Variants in CNOT1 observed in about 807,000 individuals in gnomAD.
CNOT1 encodes CCR4-associated factor 1.
A neutral mutation model predicts 273.8 loss-of-function variants in CNOT1; 15 were observed. The observed-to-expected ratio is 0.05, with a 90% CI of 0.04 to 0.08. The LOEUF is 0.08. Among genes scored for constraint, CNOT1 ranks in the 10% least tolerant of loss-of-function variants. The pLI is 1.00. For synonymous variants in CNOT1, 1,022 were observed against 1,005.5 expected (o/e 1.02, Z -0.31); for missense variants, 1,644 against 2,912.2 (o/e 0.56, Z 10.02).
chr16:58,559,832 G>T, intron 17 of CNOT1: 1 of 527,896 alleles, frequency 1.9e-6, no homozygotes, highest in South Asian at 1.4e-5. Context: ...GTTCAGTTGA[G>T]AGCTGAAGAG....
Position 58,537,044 on chromosome 16 carries a change from T to A in CNOT1, c.5591A>T (p.His1864Leu). 6.2e-7 allele frequency: 1 copy of A among 1,614,148 alleles called. No homozygotes were observed. Residue 1864 changes from histidine (H) to leucine (L), a missense_variant, in exon 39 of 49, where the codon CAT (histidine) becomes CTT (leucine). Physicochemically the swap from His to Leu is moderately conservative, Grantham distance 99 (BLOSUM62 -3). This residue lies in a region of CNOT1 where 133 missense variants were observed against 328.2 expected (regional missense o/e 0.41). Coordinates refer to ENST00000317147, the MANE Select transcript of CNOT1 (RefSeq NM_016284.5). ...YLLREWVNLY[H>L]SAAAGRDSTK... ...ACTGTCGCGGCCAGCTGCTGCTGAA[T>A]GGTAGAGATTCACCCATTCCCTCAG...
At chr16:58,627,584 G>T (rs964179547) in intron 1 of CNOT1, among the ~76,000 whole-genome samples, 1 of 151,160 alleles carries the variant, frequency 6.6e-6, no homozygotes, top group Non-Finnish European at 1.5e-5. Context: ...AAATAAGAAG[G>T]ATGTCTTATT....
intron 13 of CNOT1, 124 bp from the exon 14 acceptor site, chr16:58,576,706 G>T: frequency 7.0e-7 from 1 of 1,433,504 alleles, no homozygotes; most frequent in Admixed American, 2.2e-5. Context: ...CTGACATTAA[G>T]TTCAGGCCTC....
At chr16:58,538,685 G>T in intron 36 of CNOT1, 87 bp downstream of exon 36, 1 of 1,547,144 alleles carries the variant, frequency 6.5e-7, no homozygotes, top group Non-Finnish European at 8.7e-7. Flanking sequence ...CTAGAAAAAA[G>T]GGAAACCCCT....
intron 1 of CNOT1, among the ~76,000 whole-genome samples, chr16:58,607,020 C>A (rs755238717): frequency 6.6e-6 from 1 of 152,050 alleles, no homozygotes; most frequent in Non-Finnish European, 1.5e-5. Flanking sequence ...CTAAACAGAA[C>A]CAAGAGTAGC....
rs246197 is a variant in CNOT1, at chr16:58,546,615, A to C, written c.3828+57T>G. The C allele has an allele frequency of 0.16, 252,541 of 1,612,242 alleles. 21,438 individuals carry two copies. Among genetic ancestry groups the C allele is most frequent in the Admixed American group, 0.28 (17,023 of 59,838 alleles). The stretch of plus-strand genomic sequence containing the variant: ...CCCGAAATACCCTGCCTTCACTGTA[A>C]GTTTTAATAATGTGAAGGCAAAGAA... On this transcript the variant is annotated intron_variant, in intron 28 of 48. Coordinates refer to ENST00000317147, the MANE Select transcript of CNOT1 (RefSeq NM_016284.5).
intron 31 of CNOT1, chr16:58,543,403 AT>A: frequency 6.7e-7 from 1 of 1,491,918 alleles, no homozygotes; most frequent in Admixed American, 2.6e-5. Flanking sequence ...CGTGTTGAGA[AT>A]ATAACAGAAA....
chr16:58,606,848 A>T (rs545533631), intron 1 of CNOT1, among the ~76,000 whole-genome samples: 1 of 152,240 alleles, frequency 6.6e-6, no homozygotes, highest in East Asian at 1.9e-4. Context: ...ATGCAATATG[A>T]CACCCACCCA....
intron 1 of CNOT1, among the ~76,000 whole-genome samples, chr16:58,604,791 C>G (rs2042610097): frequency 7.2e-6 from 1 of 138,244 alleles, no homozygotes. Flanking sequence ...GAGCGAAACT[C>G]CGTCTAAAAA....
In CNOT1 at chr16:58,538,116, T is replaced by A. The variant is rs776087745; in HGVS notation, c.5244+42A>T. 3 of 1,611,872 alleles carry A rather than the reference T, an allele frequency of 1.9e-6. No homozygotes were observed. In the African/African-American group the frequency reaches 4.0e-5, roughly 22 times the overall value. On this transcript the variant is annotated intron_variant, in intron 37 of 48. Coordinates refer to ENST00000317147, the MANE Select transcript of CNOT1 (RefSeq NM_016284.5). ...GAAAACACTTAAGAGCAAACGTACT[T>A]CCCTGAGTCCTTTTGTCCGTGCAAG... is the stretch of plus-strand genomic sequence containing the variant.
Position 58,587,891 on chromosome 16 carries a change from A to C in CNOT1, c.211-13T>G. 1 of 1,608,988 alleles carries C rather than the reference A, an allele frequency of 6.2e-7. No individual in the cohort carries two copies. Among genetic ancestry groups the C allele is most frequent in the Non-Finnish European group, 8.5e-7 (1 of 1,178,894 alleles). The stretch of plus-strand genomic sequence containing the variant: ...TCAGAAACTGAGTCTTTAAAAATAA[A>C]AAATGATTTTCATTAGCACTAATCA... On this transcript the variant is annotated splice_polypyrimidine_tract_variant and intron_variant, in intron 3 of 48. Coordinates refer to ENST00000317147, the MANE Select transcript of CNOT1 (RefSeq NM_016284.5).
chr16:58,536,525 AG>A (rs1410296833), intron 39 of CNOT1, among the ~76,000 whole-genome samples: 1 of 152,206 alleles, frequency 6.6e-6, no homozygotes, highest in Non-Finnish European at 1.5e-5. Flanking sequence ...AATACTGGGA[AG>A]TATTTTCCAA....
At chr16:58,527,193 G>T (rs2039620803) in intron 44 of CNOT1, among the ~76,000 whole-genome samples, 1 of 152,088 alleles carries the variant, frequency 6.6e-6, no homozygotes, top group Non-Finnish European at 1.5e-5. Flanking sequence ...TATGGGGGGT[G>T]AAGGTAGAGG....
At chr16:58,592,500 G>A (rs1420562567) in intron 2 of CNOT1, among the ~76,000 whole-genome samples, 15 of 152,066 alleles carry the variant, frequency 9.9e-5, no homozygotes, top group Admixed American at 9.8e-4. Flanking sequence ...ATCACTTGAG[G>A]CCAGGAGCTG....
intron 31 of CNOT1, among the ~76,000 whole-genome samples, chr16:58,542,919 C>T (rs1227130949): frequency 2.0e-5 from 3 of 152,106 alleles, no homozygotes; most frequent in Non-Finnish European, 2.9e-5. Flanking sequence ...GGTGAAGCCA[C>T]TTCTCTACTA....
intron 16 of CNOT1, among the ~76,000 whole-genome samples, chr16:58,564,571 A>C (rs1310380986): frequency 6.6e-6 from 1 of 152,252 alleles, no homozygotes; most frequent in Non-Finnish European, 1.5e-5. Flanking sequence ...ATGTTAAAGT[A>C]GGAAGAAAAA....
At chr16:58,607,403 G>A (rs2042717783) in intron 1 of CNOT1, among the ~76,000 whole-genome samples, 1 of 151,874 alleles carries the variant, frequency 6.6e-6, no homozygotes, top group East Asian at 1.9e-4. Flanking sequence ...TTGCTTTTTT[G>A]TGAAAATACT....
intron 44 of CNOT1, 66 bp from the exon 45 acceptor site, chr16:58,526,204 TAAG>T: frequency 1.3e-6 from 2 of 1,565,568 alleles, no homozygotes; most frequent in Non-Finnish European, 1.8e-6. Flanking sequence ...CATCTATGCT[TAAG>T]TGGTGGGACT....
In CNOT1 at chr16:58,580,763, G is replaced by A; in HGVS notation, c.1216-3C>T. On this transcript the variant is annotated splice_region_variant and splice_polypyrimidine_tract_variant and intron_variant, in intron 11 of 48. Coordinates refer to ENST00000317147, the MANE Select transcript of CNOT1 (RefSeq NM_016284.5). Reference sequence around the variant, plus strand: ...AGGGAATGTTGAATGAAGGAGAGCTGCAATGAAAGAAAATGCTTACCACCA... The same window carrying A: ...AGGGAATGTTGAATGAAGGAGAGCTACAATGAAAGAAAATGCTTACCACCA... 1 of 1,604,636 alleles carries A rather than the reference G, an allele frequency of 6.2e-7. No individual in the cohort carries two copies. The highest frequency in any genetic ancestry group is 1.1e-5 in the South Asian group (1 of 89,050).
Sources: gnomAD v4.1 joint callset for allele counts (sites outside exome capture counted in the v4.1 genomes callset) on GRCh38, gnomAD v4.1.1 for gene constraint, gnomAD v4.1.1 regional missense constraint, MANE v1.5 for transcripts, NCBI Gene and HGNC (gene_info 2026-07-23, HGNC 2026-07-21) for gene names.